The following HHAT variants were observed in gnomAD, a reference collection of about 807,000 sequenced individuals.
The protein encoded by HHAT is hedgehog acyltransferase, also known as protein-cysteine N-palmitoyltransferase HHAT.
In HHAT, 47 loss-of-function variants were observed where a neutral mutation model predicts 70.8. The observed-to-expected ratio is 0.66, with a 90% confidence interval of 0.53 to 0.85. The LOEUF (loss-of-function observed/expected upper bound fraction) is 0.85. HHAT is among the 40% of genes least tolerant of loss of function. The pLI, the probability that HHAT is intolerant of heterozygous loss-of-function variation, is 0.00. For missense variants in HHAT, 609 were observed against 604.8 expected, an observed-to-expected ratio of 1.01 and a Z score of -0.07; for synonymous variants, 228 against 247.6, an observed-to-expected ratio of 0.92 and a Z score of 0.74.
intron 9 of HHAT, among the ~76,000 whole-genome samples, chr1:210,539,901 G>A (rs1379798853): frequency 1.3e-5 from 2 of 152,126 alleles, no homozygotes; most frequent in Non-Finnish European, 2.9e-5. Context: ...TTCCTACAAG[G>A]GCATTCTCAG....
At chr1:210,659,904 T>C (rs1677276393) in intron 11 of HHAT, among the ~76,000 whole-genome samples, 1 of 152,174 alleles carries the variant, frequency 6.6e-6, no homozygotes, top group South Asian at 2.1e-4. Flanking sequence ...AAATAGGTAT[T>C]GATGGAATGT....
chr1:210,380,565 T>A (rs1042582393), intron 3 of HHAT, among the ~76,000 whole-genome samples: 6 of 151,880 alleles, frequency 4.0e-5, no homozygotes, highest in Non-Finnish European at 5.9e-5. Flanking sequence ...TAAAATAAAA[T>A]TTTAAAAAGC....
intron 8 of HHAT, among the ~76,000 whole-genome samples, chr1:210,503,778 C>A (rs931706294): frequency 1.0e-4 from 15 of 150,530 alleles, no homozygotes; most frequent in African/African-American, 2.7e-4. Flanking sequence ...TTGCCGGTGA[C>A]CTTTCATTTG....
intron 9 of HHAT, among the ~76,000 whole-genome samples, chr1:210,585,603 G>A (rs1660263680): frequency 6.6e-6 from 1 of 152,030 alleles, no homozygotes; most frequent in South Asian, 2.1e-4. Flanking sequence ...ATTTTTGGTC[G>A]AGACAGGGTT....
intron 5 of HHAT, among the ~76,000 whole-genome samples, chr1:210,404,148 G>A (rs1295773507): frequency 2.6e-5 from 4 of 152,130 alleles, no homozygotes; most frequent in Non-Finnish European, 5.9e-5. Context: ...TTATGCCCTG[G>A]ATGTATCTGA....
chr1:210,441,382 G>A (rs552184688), intron 7 of HHAT, among the ~76,000 whole-genome samples: 1 of 152,242 alleles, frequency 6.6e-6, no homozygotes, highest in East Asian at 1.9e-4. Flanking sequence ...TTTTATAGAG[G>A]TGCTGGTCTG....
intron 8 of HHAT, among the ~76,000 whole-genome samples, chr1:210,492,938 A>AG (rs1274886619): frequency 2.0e-5 from 3 of 152,096 alleles, no homozygotes; most frequent in African/African-American, 7.2e-5. Context: ...CTCATTTCTT[A>AG]GAGGGCTACT....
At chr1:210,520,159 G>T (rs1399333403) in intron 9 of HHAT, among the ~76,000 whole-genome samples, 8 of 152,022 alleles carry the variant, frequency 5.3e-5, no homozygotes, top group Non-Finnish European at 1.0e-4. Context: ...GGGATTACAG[G>T]CACCCACCAC....
At position 210,439,123 on chromosome 1, in the gene HHAT, C is replaced by T. The variant is rs1488896757; in HGVS notation, c.856+20798C>T. Reference sequence around the variant, plus strand: ...GTGTCCGCATTGAAATAAAGAATTTCGTTGTCTCTTAACAGCATCCTCAGC... The same window carrying T: ...GTGTCCGCATTGAAATAAAGAATTTTGTTGTCTCTTAACAGCATCCTCAGC... On this transcript the variant is annotated intron_variant, in intron 7 of 11. Transcript: ENST00000261458. 3.3e-5 allele frequency among the ~76,000 whole-genome samples: 5 copies of T among 151,858 alleles called. 1 individual carries two copies. The highest frequency in any genetic ancestry group is 4.1e-4 in the South Asian group (2 of 4,828).
chr1:210,584,576 A>G (rs1378364115), intron 9 of HHAT, among the ~76,000 whole-genome samples: 2 of 152,104 alleles, frequency 1.3e-5, no homozygotes, highest in African/African-American at 4.8e-5. Context: ...GGATAAGACT[A>G]CTGTGCCCTG....
chr1:210,496,995 G>A (rs1259464106), intron 8 of HHAT, among the ~76,000 whole-genome samples: 1 of 152,152 alleles, frequency 6.6e-6, no homozygotes, highest in African/African-American at 2.4e-5. Flanking sequence ...CAACTGTGTG[G>A]CTTGTTTCTT....
intron 9 of HHAT, 144 bp from the exon 10 acceptor site, chr1:210,587,754 G>A: frequency 1.5e-6 from 1 of 665,048 alleles, no homozygotes; most frequent in Non-Finnish European, 2.6e-6. Flanking sequence ...GTGGGATGGA[G>A]AATCCAAGGA....
chr1:210,420,251 T>C (rs962218079), intron 7 of HHAT, among the ~76,000 whole-genome samples: 1 of 150,610 alleles, frequency 6.6e-6, no homozygotes, highest in Non-Finnish European at 1.5e-5. Flanking sequence ...TTGTTATGTA[T>C]GTTCTGTGAC....
chr1:210,501,911 A>C (rs11119513), intron 8 of HHAT, among the ~76,000 whole-genome samples: 145,537 of 152,066 alleles, frequency 0.96, 69,899 homozygotes, highest in Non-Finnish European at 1. Flanking sequence ...CAAAGCTCTG[A>C]CCATCTTATT....
At chr1:210,596,210 C>G (rs890249265) in intron 10 of HHAT, among the ~76,000 whole-genome samples, 2 of 152,128 alleles carry the variant, frequency 1.3e-5, no homozygotes, top group Admixed American at 6.5e-5. Context: ...TTCCCAGCAC[C>G]ATTTGTTAAA....
rs777815822 is a variant in HHAT at position 210,404,689 on chromosome 1, G to T, written c.684+10G>T. The T allele has an allele frequency of 2.5e-6, 4 of 1,602,522 alleles. No individual in the cohort carries two copies. The highest frequency in any genetic ancestry group is 2.6e-6 in the Non-Finnish European group (3 of 1,170,108). On this transcript the variant is annotated intron_variant, in intron 6 of 11. Transcript: ENST00000261458. ...GGAGTTCATCAAACAGGTAGAGCCC[G>T]CTGGGGATGGGATTGGGATTCTATA... is the stretch of plus-strand genomic sequence containing the variant.
rs189361110 is a variant in HHAT, at chr1:210,525,967, C to A, written c.1043+12779C>A. Among the ~76,000 whole-genome samples the A allele has an allele frequency of 5.9e-5, 9 of 152,332 alleles. No homozygotes were observed. The East Asian group carries it at 1.5e-3, about 26-fold the overall frequency. ...ATTCTTTTCCTAATGCGTGCGCGAT[C>A]TTTCTGCCTTATGCGGTTGCTGCAT... On this transcript the variant is annotated intron_variant, in intron 9 of 11. Transcript: ENST00000261458.
chr1:210,345,568 A>C (rs1214113679), intron 1 of HHAT, among the ~76,000 whole-genome samples: 1 of 152,222 alleles, frequency 6.6e-6, no homozygotes, highest in Admixed American at 6.5e-5. Flanking sequence ...GTGTATGTGT[A>C]TAGCTCTTGT....
intron 7 of HHAT, among the ~76,000 whole-genome samples, chr1:210,420,901 G>A (rs542571845): frequency 6.6e-6 from 1 of 152,220 alleles, no homozygotes; most frequent in South Asian, 2.1e-4. Flanking sequence ...AGTTTGTCAA[G>A]CATTGTTCAA....
Sources: gnomAD v4.1 joint callset for allele counts (sites outside exome capture counted in the v4.1 genomes callset) on GRCh38, gnomAD v4.1.1 for gene constraint, MANE v1.5 for transcripts, NCBI Gene and HGNC (gene_info 2026-07-23, HGNC 2026-07-21) for gene names.